Variants in NRIP2 observed in about 807,000 individuals in gnomAD.
The protein encoded by NRIP2 is nuclear receptor-interacting protein 2.
In NRIP2, 27 loss-of-function variants were observed where a neutral mutation model predicts 34.1. The ratio of observed to expected loss-of-function variants is 0.79; its 90% CI spans 0.58 to 1.09. NRIP2 has a LOEUF of 1.09. NRIP2 is among the 50% of genes least tolerant of loss of function. NRIP2 has a pLI of 0.00. For missense variants in NRIP2, 385 were observed against 352.6 expected (o/e 1.09, Z -0.74); for synonymous variants, 145 against 146.9 (o/e 0.99, Z 0.09).
intron 1 of NRIP2, among the ~76,000 whole-genome samples, chr12:2,834,220 A>G (rs982592375): frequency 4.6e-5 from 7 of 152,196 alleles, no homozygotes; most frequent in African/African-American, 1.7e-4. Flanking sequence ...AGGAGAAAGG[A>G]CAAGTGGATA....
At chr12:2,832,835 C>A (rs542743601) in intron 1 of NRIP2, among the ~76,000 whole-genome samples, 1 of 150,822 alleles carries the variant, frequency 6.6e-6, no homozygotes, top group East Asian at 2.0e-4. Flanking sequence ...CCTTGGGATC[C>A]TGGGATTGTT....
chr12:2,827,987 C>A lies in NRIP2; in HGVS notation c.639G>T (p.Gln213His). The change falls in exon 4 of 6, where the codon CAG (glutamine) becomes CAT (histidine). Residue 213 changes from glutamine to histidine, a missense_variant. Transcript: ENST00000337508. The surrounding 1 kb of genome is among the most constrained non-coding windows in gnomAD (Gnocchi z 4.0). Reference protein sequence around the residue: ...AGDLAPGPPTQVEQLELQLGQ... With the variant: ...AGDLAPGPPTHVEQLELQLGQ... ...CCAGCTGTAGCTCCAACTGCTCCAC[C>A]TGGGTTGGGGGCCCAGGGGCCAGGT... The A allele has an allele frequency of 6.2e-7, 1 of 1,614,226 alleles. No individual in the cohort carries two copies.
At chr12:2,829,087 GT>G (rs2097986205) in intron 2 of NRIP2, among the ~76,000 whole-genome samples, 1 of 152,126 alleles carries the variant, frequency 6.6e-6, no homozygotes, top group Non-Finnish European at 1.5e-5. Flanking sequence ...GGGTTCATAA[GT>G]TTGGGGAAGA....
rs143895241 is a variant in NRIP2, at chr12:2,827,036, A to G, written c.*171T>C. On this transcript the variant is annotated 3_prime_UTR_variant, in exon 6 of 6. Coordinates refer to ENST00000337508, the MANE Select transcript of NRIP2 (RefSeq NM_031474.3). The surrounding 1 kb of genome is among the most constrained non-coding windows in gnomAD (Gnocchi z 4.0). ...CTGGGGAGTAGGACAGCTGCTGAGA[A>G]GCAGAGAGGAATGCGGCCAGCTGGG... 4.8e-6 allele frequency: 7 copies of G among 1,450,300 alleles called. No homozygotes were observed. The African/African-American group carries it at 1.0e-4, about 21-fold the overall frequency. 89.8% of individuals were successfully genotyped at this position (1,450,300 alleles called of 1,614,324 possible). A position where few individuals can be genotyped will look rare whatever the true frequency, so the allele number is the denominator to read the frequency against.
chr12:2,827,167 A>G lies in NRIP2; in HGVS notation c.*40T>C. 1 of 1,613,446 alleles carries G rather than the reference A, an allele frequency of 6.2e-7. No homozygotes were observed. Among genetic ancestry groups the G allele is most frequent in the African/African-American group, 1.3e-5 (1 of 75,032 alleles). On this transcript the variant is annotated 3_prime_UTR_variant, in exon 6 of 6. Transcript: ENST00000337508. The surrounding 1 kb of genome is among the most constrained non-coding windows in gnomAD (Gnocchi z 4.0). ...CGTTCCCCACACGCCTCTTCTTCTA[A>G]GGCAAGGTCTTTCCCTCTGGGGACT...
rs1299401080 is a variant in NRIP2, at chr12:2,827,274, A to G, written c.779T>C (p.Val260Ala). The G allele has an allele frequency of 6.2e-7, 1 of 1,613,944 alleles. No individual in the cohort carries two copies. Among genetic ancestry groups the G allele is most frequent in the Non-Finnish European group, 8.5e-7 (1 of 1,179,998 alleles). Residue 260 changes from valine (V) to alanine (A), a missense_variant, in exon 6 of 6, where the codon GTG becomes GCG. Physicochemically the swap from Val to Ala is moderately conservative, Grantham distance 64 (BLOSUM62 0). Transcript: ENST00000337508. The surrounding 1 kb of genome is among the most constrained non-coding windows in gnomAD (Gnocchi z 4.0). ...LKCCIDLEHG[V>A]LRLKAPFSEL... ...TGAGAACGGGGCTTTCAGCCGCAGC[A>G]CTCCGTGCTCCAGGTCGATGCAGCA... is the stretch of plus-strand genomic sequence containing the variant.
rs778414140 is a variant in NRIP2, at chr12:2,834,742, T to C, written c.242A>G (p.Gln81Arg). 29 of 1,614,014 alleles carry C rather than the reference T, an allele frequency of 1.8e-5. No individual in the cohort carries two copies. The highest frequency in any genetic ancestry group is 2.5e-5 in the Non-Finnish European group (29 of 1,179,984). Reference protein sequence around the residue: ...AQLRDRAHLSQQRRLKQATQF... With the variant: ...AQLRDRAHLSRQRRLKQATQF... The stretch of plus-strand genomic sequence containing the variant: ...GGTGGCCTGTTTGAGCCGGCGCTGC[T>C]GGCTCAGGTGGGCTCGGTCTCGAAG... Residue 81 changes from glutamine to arginine, a missense_variant, in exon 1 of 6, where the codon CAG (glutamine) becomes CGG (arginine). By Grantham distance (43) the Gln-to-Arg change is conservative. Transcript: ENST00000337508.
Position 2,827,356 on chromosome 12 carries a change from C to T in NRIP2, c.754-57G>A. On this transcript the variant is annotated intron_variant, in intron 5 of 5. Transcript: ENST00000337508. The surrounding 1 kb of genome is among the most constrained non-coding windows in gnomAD (Gnocchi z 4.0). The stretch of plus-strand genomic sequence containing the variant: ...CCTCAGCCCGCCACCTGCCTCCCGG[C>T]CTGCTCCTTTTGTTCCCCCTCCCAC... 6.4e-7 allele frequency: 1 copy of T among 1,567,496 alleles called. No individual in the cohort carries two copies. Among genetic ancestry groups the T allele is most frequent in the Non-Finnish European group, 8.6e-7 (1 of 1,160,782 alleles).
At chr12:2,831,236 C>T (rs1270353777) in intron 1 of NRIP2, among the ~76,000 whole-genome samples, 1 of 151,080 alleles carries the variant, frequency 6.6e-6, no homozygotes, top group East Asian at 1.9e-4. Flanking sequence ...CTGACCTCAT[C>T]CTTCAATGGG....
chr12:2,828,916 A>G (rs2109108), intron 2 of NRIP2, among the ~76,000 whole-genome samples: 10,313 of 152,150 alleles, frequency 0.068, 543 homozygotes, highest in East Asian at 0.29. Flanking sequence ...TAAATCAAAA[A>G]AGGAAGTGGA....
chr12:2,831,509 A>G (rs1337177561), intron 1 of NRIP2, among the ~76,000 whole-genome samples: 1 of 151,970 alleles, frequency 6.6e-6, no homozygotes, highest in African/African-American at 2.4e-5. Context: ...ACCTGAACCT[A>G]GAAGGCAGAG....
intron 1 of NRIP2, among the ~76,000 whole-genome samples, chr12:2,833,427 C>T (rs908311013): frequency 2.6e-5 from 4 of 152,114 alleles, no homozygotes; most frequent in African/African-American, 9.7e-5. Context: ...ATTGCCAGAC[C>T]TCTGGGCTGT....
At chr12:2,829,821 T>G (rs987549754) in intron 2 of NRIP2, among the ~76,000 whole-genome samples, 34 of 147,160 alleles carry the variant, frequency 2.3e-4, no homozygotes, top group African/African-American at 8.7e-4. Flanking sequence ...CTCACGCCTG[T>G]AATCCCAGCA....
chr12:2,833,171 C>G (rs956710277), intron 1 of NRIP2, among the ~76,000 whole-genome samples: 1 of 151,958 alleles, frequency 6.6e-6, no homozygotes, highest in African/African-American at 2.4e-5. Context: ...AAGCCCGGGA[C>G]TTTCTCATTA....
Position 2,827,347 on chromosome 12 carries a change from G to T in NRIP2, c.754-48C>A. ...GCCAGGTCACCTCAGCCCGCCACCT[G>T]CCTCCCGGCCTGCTCCTTTTGTTCC... On this transcript the variant is annotated intron_variant, in intron 5 of 5. Transcript: ENST00000337508. This position sits in a 1 kb window ranked among gnomAD's most constrained non-coding sequence, Gnocchi z 4.0. 6.3e-7 allele frequency: 1 copy of T among 1,576,466 alleles called. No homozygotes were observed.
Position 2,825,512 on chromosome 12 carries a change from G to C in NRIP2, c.*1695C>G, listed in dbSNP as rs1402505092. 1 of 152,520 alleles carries C rather than the reference G, an allele frequency of 6.6e-6. No homozygotes were observed. The highest frequency in any genetic ancestry group is 6.5e-5 in the Admixed American group (1 of 15,282). 9.4% of individuals were successfully genotyped at this position (152,520 alleles called of 1,614,324 possible). A position where few individuals can be genotyped will look rare whatever the true frequency, so the allele number is the denominator to read the frequency against. ...GAGCAAGGCAGTGAGGGCGAGGAAA[G>C]CTTTTAGGATTTTGAGACCAGGTGC... On this transcript the variant is annotated 3_prime_UTR_variant, in exon 6 of 6. Transcript: ENST00000337508.
chr12:2,827,920 A>C lies in NRIP2; in HGVS notation c.700+6T>G. 1.2e-6 allele frequency: 2 copies of C among 1,613,820 alleles called. No individual in the cohort carries two copies. The highest frequency in any genetic ancestry group is 1.7e-6 in the Non-Finnish European group (2 of 1,179,976). On this transcript the variant is annotated splice_donor_region_variant and intron_variant, in intron 4 of 5. Coordinates refer to ENST00000337508, the MANE Select transcript of NRIP2 (RefSeq NM_031474.3). The surrounding 1 kb of genome is among the most constrained non-coding windows in gnomAD (Gnocchi z 4.0). ...CACCAGGGCTGTTGCAGAAGGGGGG[A>C]CTTACCCACCACCTGTGCCGAGCAC...
chr12:2,834,535 A>ACCC, intron 1 of NRIP2, 107 bp downstream of exon 1: 1 of 1,447,086 alleles, frequency 6.9e-7, no homozygotes, highest in Non-Finnish European at 9.2e-7. Context: ...AGGGAGCGGG[A>ACCC]CCTGAAAGCT....
At chr12:2,829,069 T>C (rs2097986052) in intron 2 of NRIP2, among the ~76,000 whole-genome samples, 1 of 151,992 alleles carries the variant, frequency 6.6e-6, no homozygotes, top group African/African-American at 2.4e-5. Context: ...AAAGTGGTTA[T>C]ATGTGATGGG....
Sources: gnomAD v4.1 joint callset for allele counts (sites outside exome capture counted in the v4.1 genomes callset) on GRCh38, gnomAD v4.1.1 for gene constraint, Gnocchi (gnomAD v3.1) non-coding constraint, MANE v1.5 for transcripts, NCBI Gene and HGNC (gene_info 2026-07-23, HGNC 2026-07-21) for gene names.